The following SLC41A2 variants were observed in gnomAD, a reference collection of about 807,000 sequenced individuals.
The protein encoded by SLC41A2 is SLC41A1-like 1.
Under a neutral mutation model 58.3 loss-of-function variants are expected in SLC41A2, and 32 were observed. The ratio of observed to expected loss-of-function variants is 0.55; its 90% CI spans 0.41 to 0.74. The LOEUF is 0.74. Among genes scored for constraint, SLC41A2 ranks in the 30% least tolerant of loss-of-function variants. The pLI is 0.00. For synonymous variants in SLC41A2, 190 were observed against 235.0 expected (o/e 0.81, Z 1.75); for missense variants, 514 against 680.6 (o/e 0.76, Z 2.72).
chr12:104,947,794 G>A (rs2047787745), intron 1 of SLC41A2, among the ~76,000 whole-genome samples: 1 of 151,932 alleles, frequency 6.6e-6, no homozygotes, highest in Non-Finnish European at 1.5e-5. Context: ...CCCTAATACT[G>A]TTTTTTAATT....
chr12:104,886,313 T>C lies in SLC41A2; in HGVS notation c.1007A>G (p.Gln336Arg), dbSNP rs778177802. ...CTTACCAAGACAGGAGTATAAGCCC[T>C]GACTTATCCAAGCCAATATGGCAAG... ...ITLAILAWISQGLYSCLETYY... is the reference protein window; with the variant it reads ...ITLAILAWISRGLYSCLETYY... Residue 336 changes from glutamine to arginine, a missense_variant, in exon 6 of 11, where the codon CAG (glutamine) becomes CGG (arginine). Around this residue, in one of 3 missense-constraint regions of SLC41A2, gnomAD observed 336 missense variants for 430.0 expected, o/e 0.78. Transcript: ENST00000258538. 6.2e-7 allele frequency: 1 copy of C among 1,613,612 alleles called. No individual in the cohort carries two copies. The highest frequency in any genetic ancestry group is 1.7e-5 in the Admixed American group (1 of 60,006).
intron 3 of SLC41A2, among the ~76,000 whole-genome samples, chr12:104,906,012 C>T (rs906282695): frequency 1.3e-5 from 2 of 152,228 alleles, no homozygotes; most frequent in Admixed American, 6.5e-5. Flanking sequence ...AAAGTGGGAG[C>T]CCAGGCAGGG....
At chr12:104,903,383 T>C (rs1428454092) in intron 3 of SLC41A2, among the ~76,000 whole-genome samples, 1 of 152,146 alleles carries the variant, frequency 6.6e-6, no homozygotes, top group Admixed American at 6.5e-5. Context: ...CCCCTAAAAT[T>C]GTCCCCCCTC....
intron 5 of SLC41A2, among the ~76,000 whole-genome samples, chr12:104,888,061 G>A (rs1296556797): frequency 1.3e-5 from 2 of 151,786 alleles, no homozygotes; most frequent in African/African-American, 4.8e-5. Context: ...AGAAGCAAAT[G>A]AGCCTAAAAA....
At chr12:104,864,998 G>A (rs1339984448) in intron 7 of SLC41A2, among the ~76,000 whole-genome samples, 1 of 151,992 alleles carries the variant, frequency 6.6e-6, no homozygotes, top group Admixed American at 6.6e-5. Context: ...AAGGGGCACT[G>A]CAAGGCATAC....
chr12:104,952,523 T>A (rs2047994545), intron 1 of SLC41A2, among the ~76,000 whole-genome samples: 3 of 152,178 alleles, frequency 2.0e-5, no homozygotes, highest in African/African-American at 7.2e-5. Flanking sequence ...GAGACCTTTT[T>A]CTAAAGATCT....
intron 10 of SLC41A2, among the ~76,000 whole-genome samples, chr12:104,833,721 T>C (rs948705792): frequency 6.6e-6 from 1 of 152,196 alleles, no homozygotes; most frequent in Non-Finnish European, 1.5e-5. Context: ...GGTATTGTGC[T>C]AATATCTATT....
At chr12:104,839,350 G>T (rs565835840) in intron 10 of SLC41A2, among the ~76,000 whole-genome samples, 1 of 151,810 alleles carries the variant, frequency 6.6e-6, no homozygotes, top group Non-Finnish European at 1.5e-5. Flanking sequence ...ACAGAAAACC[G>T]TTAACAGTAA....
At chr12:104,818,986 C>T (rs1321481335) in intron 10 of SLC41A2, among the ~76,000 whole-genome samples, 1 of 152,084 alleles carries the variant, frequency 6.6e-6, no homozygotes, top group Non-Finnish European at 1.5e-5. Context: ...TGTATAAAAT[C>T]TGAAAAAACA....
intron 10 of SLC41A2, among the ~76,000 whole-genome samples, chr12:104,814,354 C>T (rs2041302221): frequency 6.6e-6 from 1 of 152,124 alleles, no homozygotes. Context: ...CACTGCACTC[C>T]AGCCTGGGTG....
At chr12:104,824,804 T>C (rs2453162) in intron 10 of SLC41A2, among the ~76,000 whole-genome samples, 152,231 of 152,232 alleles carry the variant, frequency 1, 76,115 homozygotes, top group Middle Eastern at 1. Context: ...AGAAGTAAAC[T>C]ACACTCCCAT....
intron 6 of SLC41A2, among the ~76,000 whole-genome samples, chr12:104,870,378 T>C (rs756036373): frequency 6.6e-6 from 1 of 152,232 alleles, no homozygotes; most frequent in Non-Finnish European, 1.5e-5. Context: ...TTTGAATTTA[T>C]ACTTAATTGT....
chr12:104,817,553 CT>C (rs1347082380), intron 10 of SLC41A2, among the ~76,000 whole-genome samples: 1 of 151,870 alleles, frequency 6.6e-6, no homozygotes, highest in Admixed American at 6.6e-5. Flanking sequence ...TATCGTTATC[CT>C]ATAGGCTTTT....
At chr12:104,953,959 T>C (rs1029108150) in intron 1 of SLC41A2, among the ~76,000 whole-genome samples, 7 of 152,214 alleles carry the variant, frequency 4.6e-5, no homozygotes, top group African/African-American at 1.4e-4. Flanking sequence ...ACTTTTCCTA[T>C]TTAGACATTT....
chr12:104,890,581 G>A (rs1253639290), intron 4 of SLC41A2, among the ~76,000 whole-genome samples: 3 of 152,120 alleles, frequency 2.0e-5, no homozygotes, highest in African/African-American at 7.2e-5. Context: ...CTGAGATGAG[G>A]AAGTCCTATT....
rs1268125020 is a variant in SLC41A2, at chr12:104,889,184, T to C, written c.736-7A>G. 1.9e-6 allele frequency: 3 copies of C among 1,598,974 alleles called. No individual in the cohort carries two copies. Among genetic ancestry groups the C allele is most frequent in the Non-Finnish European group, 2.6e-6 (3 of 1,176,162 alleles). ...CCACTACTGTTGCCTGAACCTAAAATTTTTTTCATAAATCCAACTGAATTA... is the reference window on the plus strand; with the variant it reads ...CCACTACTGTTGCCTGAACCTAAAACTTTTTTCATAAATCCAACTGAATTA... On this transcript the variant is annotated splice_region_variant and splice_polypyrimidine_tract_variant and intron_variant, in intron 4 of 10. Coordinates refer to ENST00000258538, the MANE Select transcript of SLC41A2 (RefSeq NM_001352171.3).
intron 2 of SLC41A2, among the ~76,000 whole-genome samples, chr12:104,915,995 G>A (rs1165636795): frequency 6.6e-6 from 1 of 152,096 alleles, no homozygotes; most frequent in Admixed American, 6.5e-5. Flanking sequence ...GTTGAATTTT[G>A]TCAAAGGCCT....
At chr12:104,853,926 T>TATTTA (rs1317838285) in intron 8 of SLC41A2, among the ~76,000 whole-genome samples, 8 of 118,850 alleles carry the variant, frequency 6.7e-5, no homozygotes, top group African/African-American at 2.2e-4. Context: ...TTTTTTTTTT[T>TATTTA]TTTTTTTTTT....
intron 2 of SLC41A2, among the ~76,000 whole-genome samples, chr12:104,913,090 A>C (rs527514350): frequency 6.6e-6 from 1 of 152,302 alleles, no homozygotes; most frequent in South Asian, 2.1e-4. Flanking sequence ...ACTATGAAAT[A>C]CTTAACACCT....
Sources: gnomAD v4.1 joint callset for allele counts (sites outside exome capture counted in the v4.1 genomes callset) on GRCh38, gnomAD v4.1.1 for gene constraint, gnomAD v4.1.1 regional missense constraint, MANE v1.5 for transcripts, NCBI Gene and HGNC (gene_info 2026-07-23, HGNC 2026-07-21) for gene names.